CACNA1A: variants seen among roughly 807,000 people sequenced by gnomAD.
The protein encoded by CACNA1A is voltage-dependent P/Q-type calcium channel subunit alpha-1A.
In CACNA1A, 57 loss-of-function variants were observed where a neutral mutation model predicts 262.4. That is an observed-to-expected ratio of 0.22 (90% CI 0.18 to 0.27). The LOEUF is 0.27. Ranked by LOEUF, CACNA1A falls within the 10% of genes least tolerant of loss-of-function variation. The probability of loss-of-function intolerance (pLI) is 1.00; values close to 1 mark genes in which losing one functional copy is unlikely to be tolerated. For missense variants in CACNA1A, 2,526 were observed against 3,562.8 expected, an observed-to-expected ratio of 0.71 and a Z score of 7.41; for synonymous variants, 1,431 against 1,419.3, an observed-to-expected ratio of 1.01 and a Z score of -0.18.
At chr19:13,235,933 G>A (rs977026543) in intron 31 of CACNA1A, 4 of 512,558 alleles carry the variant, frequency 7.8e-6, no homozygotes, top group Non-Finnish European at 3.5e-6. Flanking sequence ...GAGAGAGAGG[G>A]TGGGAGGGAG....
chr19:13,313,637 G>A (rs950074383), intron 11 of CACNA1A, among the ~76,000 whole-genome samples: 2 of 151,990 alleles, frequency 1.3e-5, no homozygotes, highest in African/African-American at 4.8e-5. Flanking sequence ...CTGGTTCGAT[G>A]AGAAGGATCG....
In CACNA1A at chr19:13,317,262, G is replaced by A; in HGVS notation, c.1405C>T (p.His469Tyr). 1 of 1,612,804 alleles carries A rather than the reference G, an allele frequency of 6.2e-7. No homozygotes were observed. Among genetic ancestry groups the A allele is most frequent in the South Asian group, 1.1e-5 (1 of 91,030 alleles). The change falls in exon 11 of 47, where the codon CAC (histidine) becomes TAC (tyrosine). Residue 469 changes from histidine to tyrosine, a missense_variant. Coordinates refer to ENST00000360228, the MANE Select transcript of CACNA1A (RefSeq NM_001127222.2). The stretch of plus-strand genomic sequence containing the variant: ...AAACGCATCCTCCTCTCCTTTTTGT[G>A]AAAAAAGGTCGAGTTCTCCAGCTTG... ...SAKLENSTFF[H>Y]KKERRMRFYI...
intron 3 of CACNA1A, among the ~76,000 whole-genome samples, chr19:13,382,429 G>A (rs2059539871): frequency 6.6e-6 from 1 of 152,144 alleles, no homozygotes; most frequent in Non-Finnish European, 1.5e-5. Context: ...CTCCTCCCTG[G>A]AAGGATAAGA....
chr19:13,488,981 T>C (rs1980397889), intron 1 of CACNA1A, among the ~76,000 whole-genome samples: 1 of 150,974 alleles, frequency 6.6e-6, no homozygotes, highest in Non-Finnish European at 1.5e-5. Context: ...CTGTTTTTAT[T>C]GTAATTAATT....
At chr19:13,281,606 C>A (rs1013896497) in intron 22 of CACNA1A, among the ~76,000 whole-genome samples, 7 of 151,968 alleles carry the variant, frequency 4.6e-5, no homozygotes, top group Admixed American at 3.3e-4. Flanking sequence ...GCACCTCCCC[C>A]CTCCTGTCGT....
chr19:13,284,319 G>A (rs546250607), intron 21 of CACNA1A: 1 of 152,164 alleles, frequency 6.6e-6, no homozygotes, highest in African/African-American at 2.4e-5. Context: ...TAGTAAAATC[G>A]ATAAGTCAAC....
At chr19:13,356,040 G>A (rs1369456839) in intron 6 of CACNA1A, among the ~76,000 whole-genome samples, 3 of 152,176 alleles carry the variant, frequency 2.0e-5, no homozygotes, top group East Asian at 1.9e-4. Context: ...ACCAAAGGAC[G>A]AGGGTGGGAT....
At chr19:13,432,241 C>A (rs12975949) in intron 3 of CACNA1A, among the ~76,000 whole-genome samples, 22,691 of 151,086 alleles carry the variant, frequency 0.15, 1,946 homozygotes, top group Non-Finnish European at 0.2. Context: ...ATGGTGAAAC[C>A]CCGTCTCTAC....
At chr19:13,336,573 AAGAGAGAC>A (rs1356125474) in intron 6 of CACNA1A, among the ~76,000 whole-genome samples, 4 of 57,034 alleles carry the variant, frequency 7.0e-5, no homozygotes, top group Admixed American at 2.2e-4. Flanking sequence ...TGGAGAGAGA[AAGAGAGAC>A]AGAGAGAGAG....
intron 36 of CACNA1A, chr19:13,228,815 G>A (rs17846919): frequency 1.4e-6 from 2 of 1,439,640 alleles, no homozygotes; most frequent in East Asian, 2.5e-5. Flanking sequence ...GAAGAAAGGG[G>A]GTTAGTGCAG....
intron 36 of CACNA1A, among the ~76,000 whole-genome samples, chr19:13,227,978 A>C (rs2055528328): frequency 7.7e-6 from 1 of 129,664 alleles, no homozygotes; most frequent in Non-Finnish European, 1.5e-5. Flanking sequence ...CAGTGGTGTG[A>C]TCATAGCTCA....
chr19:13,482,260 C>T lies in CACNA1A; in HGVS notation c.293+23672G>A, dbSNP rs567261068. Reference sequence around the variant, plus strand: ...CAGCATTTTGGGAGGCTGAGGCGGGCGGATCACGAGGTCAGGAGATCGAGA... The same window carrying T: ...CAGCATTTTGGGAGGCTGAGGCGGGTGGATCACGAGGTCAGGAGATCGAGA... On this transcript the variant is annotated intron_variant, in intron 1 of 46. Coordinates refer to ENST00000360228, the MANE Select transcript of CACNA1A (RefSeq NM_001127222.2). Among the ~76,000 whole-genome samples, 118 of 151,886 alleles carry T rather than the reference C, an allele frequency of 7.8e-4. 1 individual carries two copies. The highest frequency in any genetic ancestry group is 7.2e-4 in the Admixed American group (11 of 15,262).
rs77468955 is a variant in CACNA1A at position 13,482,711 on chromosome 19, G to A, written c.293+23221C>T. Among the ~76,000 whole-genome samples, 66 of 152,186 alleles carry A rather than the reference G, an allele frequency of 4.3e-4. No homozygotes were observed. In the East Asian group the frequency reaches 0.013, roughly 29 times the overall value. On this transcript the variant is annotated intron_variant, in intron 1 of 46. Transcript: ENST00000360228. Reference sequence around the variant, plus strand: ...CTTTACCCTTCTAGGACTGTCACATGGGGGGCTGACCTGTGTGGATGGGCT... The same window carrying A: ...CTTTACCCTTCTAGGACTGTCACATAGGGGGCTGACCTGTGTGGATGGGCT...
chr19:13,236,931 G>A lies in CACNA1A; in HGVS notation c.4951-1201C>T, dbSNP rs777375612. On this transcript the variant is annotated intron_variant, in intron 31 of 46. Coordinates refer to ENST00000360228, the MANE Select transcript of CACNA1A (RefSeq NM_001127222.2). The surrounding 1 kb of genome is among the most constrained non-coding windows in gnomAD (Gnocchi z 4.6). ...GTGGGACTCTCGAAGTCACGAGTGG[G>A]CCAAATCTAGCTAATAAAACTGTTT... Among the ~76,000 whole-genome samples the A allele has an allele frequency of 3.9e-5, 6 of 152,118 alleles. No individual in the cohort carries two copies. Among genetic ancestry groups the A allele is most frequent in the Admixed American group, 1.3e-4 (2 of 15,266 alleles).
At chr19:13,278,437 C>T (rs2057204059) in intron 22 of CACNA1A, among the ~76,000 whole-genome samples, 1 of 152,184 alleles carries the variant, frequency 6.6e-6, no homozygotes, top group Admixed American at 6.5e-5. Context: ...TCTTTCTCCT[C>T]CTTTATGACT....
Position 13,207,524 on chromosome 19 carries a change from G to T in CACNA1A, c.7310C>A (p.Pro2437Gln), listed in dbSNP as rs2054611465. 6 of 1,437,180 alleles carry T rather than the reference G, an allele frequency of 4.2e-6. No individual in the cohort carries two copies. The highest frequency in any genetic ancestry group is 5.5e-6 in the Non-Finnish European group (6 of 1,097,264). 89.0% of individuals were successfully genotyped at this position (1,437,180 alleles called of 1,614,324 possible). A position where few individuals can be genotyped will look rare whatever the true frequency, so the allele number is the denominator to read the frequency against. Residue 2437 changes from proline (P) to glutamine (Q), a missense_variant, in exon 47 of 47, where the codon CCA (proline) becomes CAA (glutamine). Physicochemically the swap from Pro to Gln is moderately conservative, Grantham distance 76. Around this residue, in one of 17 missense-constraint regions of CACNA1A, gnomAD observed 929 missense variants for 868.1 expected, o/e 1.07. Coordinates refer to ENST00000360228, the MANE Select transcript of CACNA1A (RefSeq NM_001127222.2). The surrounding 1 kb of genome is among the most constrained non-coding windows in gnomAD (Gnocchi z 5.7). ...EEAMAGAYDA[P>Q]PPVRHASSGA... ...CGAGGACGCGTGTCGTACGGGGGGT[G>T]GCGCGTCGTAGGCCCCGGCCATGGC...
chr19:13,375,802 C>T (rs1195456549), intron 3 of CACNA1A, among the ~76,000 whole-genome samples: 2 of 151,872 alleles, frequency 1.3e-5, no homozygotes. Context: ...ACAAAACAAA[C>T]AAACAAACAA....
At chr19:13,442,028 G>C (rs1457476879) in intron 3 of CACNA1A, among the ~76,000 whole-genome samples, 2 of 152,162 alleles carry the variant, frequency 1.3e-5, no homozygotes, top group Non-Finnish European at 2.9e-5. Context: ...CAGAGGGAGG[G>C]AAGAGAACAT....
Position 13,307,533 on chromosome 19 carries a change from C to T in CACNA1A, c.1986+249G>A. 4 of 453,974 alleles carry T rather than the reference C, an allele frequency of 8.8e-6. No homozygotes were observed. In the South Asian group the frequency reaches 1.4e-4, roughly 16 times the overall value. 28.1% of individuals were successfully genotyped at this position (453,974 alleles called of 1,614,324 possible). ...ACAGGTGTGAGCCACCGTACCTGGC[C>T]AAAGTGCTGGGATTATGGGTGTGAG... On this transcript the variant is annotated intron_variant, in intron 15 of 46. Transcript: ENST00000360228.
Sources: allele counts gnomAD v4.1 joint callset (sites outside exome capture counted in the v4.1 genomes callset), GRCh38; gene constraint gnomAD v4.1.1; regional missense constraint gnomAD v4.1.1; non-coding constraint Gnocchi (gnomAD v3.1); transcripts MANE v1.5; gene names NCBI Gene and HGNC (gene_info 2026-07-23, HGNC 2026-07-21).